Variants in SYNGR1 observed in about 807,000 individuals in gnomAD.
The protein encoded by SYNGR1 is synaptogyrin 1.
SYNGR1 carries 14 observed loss-of-function variants against 26.1 expected under a neutral mutation model. The ratio of observed to expected loss-of-function variants is 0.54; its 90% CI spans 0.35 to 0.84. The LOEUF is 0.84. Ranked by LOEUF, SYNGR1 falls within the 40% of genes least tolerant of loss-of-function variation. SYNGR1 has a pLI of 0.01. For synonymous variants in SYNGR1, 141 were observed against 150.1 expected (o/e 0.94, Z 0.44); for missense variants, 319 against 332.9 (o/e 0.96, Z 0.33).
chr22:39,375,605 C>T (rs1925242095), intron 2 of SYNGR1: 3 of 419,400 alleles, frequency 7.2e-6, no homozygotes, highest in Admixed American at 4.1e-5. Context: ...CCTCATTTGT[C>T]TGGCAGCCTG....
intron 1 of SYNGR1, among the ~76,000 whole-genome samples, chr22:39,364,480 G>A (rs1924638936): frequency 6.6e-6 from 1 of 152,222 alleles, no homozygotes; most frequent in Non-Finnish European, 1.5e-5. Context: ...GAGGCTGTGG[G>A]CTGGTTCAGG....
At chr22:39,364,238 G>A in intron 1 of SYNGR1, 1 of 1,614,096 alleles carries the variant, frequency 6.2e-7, no homozygotes, top group Non-Finnish European at 8.5e-7. Context: ...GATCCTTCAT[G>A]GATAGGCAGC....
intron 1 of SYNGR1, among the ~76,000 whole-genome samples, chr22:39,368,974 A>G (rs1313685584): frequency 6.6e-6 from 1 of 152,088 alleles, no homozygotes; most frequent in African/African-American, 2.4e-5. Context: ...CCCAGAGGGG[A>G]TGTTAATTTT....
Position 39,378,075 on chromosome 22 carries a change from G to A in SYNGR1, c.483+1878G>A. ...ACATGGGCTGCCTAGAGGCGTTCAT[G>A]GTCCCCATTGCTGAGCTGTGGGTGC... On this transcript the variant is annotated intron_variant, in intron 3 of 3. Transcript: ENST00000328933. The A allele has an allele frequency of 5.1e-6, 6 of 1,183,294 alleles. 1 individual carries two copies. In the South Asian group the frequency reaches 9.6e-5, roughly 19 times the overall value. The allele number at this position is 1,183,294 out of a possible 1,614,324, so 73.3% of individuals were successfully genotyped here. A position where few individuals can be genotyped will look rare whatever the true frequency, so the allele number is the denominator to read the frequency against.
chr22:39,350,144 G>A lies in SYNGR1; in HGVS notation c.99+35G>A, dbSNP rs1237850922. ...GACTGGCCGACGGCTCTGCCAGGCCGGGGTGGTGGGGGTGTGAGCAAAGGC... is the reference window on the plus strand; with the variant it reads ...GACTGGCCGACGGCTCTGCCAGGCCAGGGTGGTGGGGGTGTGAGCAAAGGC... On this transcript the variant is annotated intron_variant, in intron 1 of 3. Transcript: ENST00000328933. The surrounding 1 kb of genome is among the most constrained non-coding windows in gnomAD (Gnocchi z 4.3). 1 of 1,348,814 alleles carries A rather than the reference G, an allele frequency of 7.4e-7. No individual in the cohort carries two copies. The highest frequency in any genetic ancestry group is 9.7e-7 in the Non-Finnish European group (1 of 1,026,400). 83.6% of individuals were successfully genotyped at this position (1,348,814 alleles called of 1,614,324 possible). A position where few individuals can be genotyped will look rare whatever the true frequency, so the allele number is the denominator to read the frequency against.
intron 3 of SYNGR1, chr22:39,377,071 A>C: frequency 6.5e-7 from 1 of 1,550,180 alleles, no homozygotes; most frequent in Non-Finnish European, 8.7e-7. Flanking sequence ...CCCATAACCC[A>C]CAGCTGCCTC....
intron 3 of SYNGR1, chr22:39,377,397 A>G (rs1925331705): frequency 1.0e-6 from 1 of 985,380 alleles, no homozygotes; most frequent in Non-Finnish European, 1.2e-6. Flanking sequence ...CAGTCCAGAG[A>G]AGGTGCCCCA....
rs542388566 is a variant in SYNGR1 at position 39,357,944 on chromosome 22, G to C, written c.99+7835G>C. ...GATGAGCACCACCCCCTGCTCCACG[G>C]CGCCTAGTCCCATCGACCACCCAAG... On this transcript the variant is annotated intron_variant, in intron 1 of 3. Transcript: ENST00000328933. Among the ~76,000 whole-genome samples the C allele has an allele frequency of 1.3e-4, 20 of 152,382 alleles. No individual in the cohort carries two copies. In the South Asian group the frequency reaches 4.1e-3, roughly 32 times the overall value.
At position 39,381,735 on chromosome 22, in the gene SYNGR1, G is replaced by A. The variant is rs1219495799; in HGVS notation, c.523G>A (p.Gly175Ser). Residue 175 changes from glycine (G) to serine (S), a missense_variant, in exon 4 of 4, where the codon GGC becomes AGC. Coordinates refer to ENST00000328933, the MANE Select transcript of SYNGR1 (RefSeq NM_004711.5). ...GCTGGCCTTCCAGCGGTACCAGATT[G>A]GCGCCGACTCGGCCCTCTTCTCCCA... ...AVLAFQRYQIGADSALFSQDY... is the reference protein window; with the variant it reads ...AVLAFQRYQISADSALFSQDY... The A allele has an allele frequency of 6.2e-7, 1 of 1,613,374 alleles. No individual in the cohort carries two copies. Among genetic ancestry groups the A allele is most frequent in the East Asian group, 2.2e-5 (1 of 44,880 alleles).
intron 1 of SYNGR1, 52 bp from the exon 2 acceptor site, chr22:39,374,264 G>A: frequency 1.3e-6 from 2 of 1,558,626 alleles, no homozygotes; most frequent in Non-Finnish European, 8.8e-7. Flanking sequence ...TCCCCTGGGT[G>A]GTGTGAGGCA....
Position 39,350,025 on chromosome 22 carries a change from G to A in SYNGR1, c.15G>A (p.Ala5=), listed in dbSNP as rs748809456. ...GTGCAGCCACGATGGAAGGGGGTGC[G>A]TACGGAGCGGGCAAAGCCGGGGGCG... MEGG[A]YGAGKAGGAF... The change falls in exon 1 of 4, where the codon GCG becomes GCA. Residue 5 remains alanine, a synonymous_variant. Transcript: ENST00000328933. This position sits in a 1 kb window ranked among gnomAD's most constrained non-coding sequence, Gnocchi z 4.3. The A allele has an allele frequency of 1.2e-5, 17 of 1,375,918 alleles. No individual in the cohort carries two copies. The highest frequency in any genetic ancestry group is 6.7e-6 in the Non-Finnish European group (7 of 1,045,432). 85.2% of individuals were successfully genotyped at this position (1,375,918 alleles called of 1,614,324 possible). A position where few individuals can be genotyped will look rare whatever the true frequency, so the allele number is the denominator to read the frequency against.
intron 1 of SYNGR1, among the ~76,000 whole-genome samples, chr22:39,371,640 AAATT>A (rs1310573418): frequency 6.6e-6 from 1 of 152,054 alleles, no homozygotes; most frequent in Non-Finnish European, 1.5e-5. Context: ...AAAATACAAA[AAATT>A]AACCAGGTAT....
chr22:39,372,636 T>C (rs1010675444), intron 1 of SYNGR1, among the ~76,000 whole-genome samples: 1 of 151,368 alleles, frequency 6.6e-6, no homozygotes, highest in African/African-American at 2.4e-5. Flanking sequence ...ACCTGGCTAC[T>C]TTTTGTATTT....
chr22:39,378,372 T>TATTC (rs1925385797), intron 3 of SYNGR1: 2 of 595,574 alleles, frequency 3.4e-6, no homozygotes, highest in Admixed American at 1.1e-4. Flanking sequence ...TAAGCTCTTT[T>TATTC]GTTCATTCAT....
At chr22:39,374,596 A>G in intron 2 of SYNGR1, 43 bp downstream of exon 2, 1 of 1,594,592 alleles carries the variant, frequency 6.3e-7, no homozygotes, top group Non-Finnish European at 8.6e-7. Flanking sequence ...GAGTCTACAG[A>G]GGGCTGTCCC....
At position 39,385,115 on chromosome 22, in the gene SYNGR1, C is replaced by T. The variant is rs5995727; in HGVS notation, c.*3201C>T. The T allele has an allele frequency of 5.7e-3, 2,282 of 397,990 alleles. 55 individuals are homozygous for T. Among genetic ancestry groups the T allele is most frequent in the African/African-American group, 0.042 (2,063 of 48,734 alleles). The allele number at this position is 397,990 out of a possible 1,614,324, so 24.7% of individuals were successfully genotyped here. ...CACCCTGCCTGTTAGCCCTGGGAGA[C>T]CCCTAACCTTGGCCCAAGACCCCTT... On this transcript the variant is annotated 3_prime_UTR_variant, in exon 4 of 4. Transcript: ENST00000328933.
chr22:39,359,908 C>A (rs1924387212), intron 1 of SYNGR1, among the ~76,000 whole-genome samples: 1 of 152,088 alleles, frequency 6.6e-6, no homozygotes, highest in African/African-American at 2.4e-5. Flanking sequence ...TTTCCATCTC[C>A]CTCTCCCTCC....
intron 1 of SYNGR1, among the ~76,000 whole-genome samples, chr22:39,371,437 T>C (rs1208688241): frequency 1.4e-5 from 2 of 146,312 alleles, no homozygotes; most frequent in African/African-American, 5.1e-5. Flanking sequence ...GATTGCACCA[T>C]TGCACTCCAG....
intron 1 of SYNGR1, among the ~76,000 whole-genome samples, chr22:39,365,421 A>C (rs1025876815): frequency 6.6e-6 from 1 of 152,164 alleles, no homozygotes; most frequent in Admixed American, 6.6e-5. Flanking sequence ...CGGCTCTGAA[A>C]TGGGAATAAG....
Sources: gnomAD v4.1 joint callset for allele counts (sites outside exome capture counted in the v4.1 genomes callset) on GRCh38, gnomAD v4.1.1 for gene constraint, Gnocchi (gnomAD v3.1) non-coding constraint, MANE v1.5 for transcripts, NCBI Gene and HGNC (gene_info 2026-07-23, HGNC 2026-07-21) for gene names.